KLHL4: variants seen among roughly 807,000 people sequenced by gnomAD.
KLHL4 encodes kelch-like protein 4.
In KLHL4, 17 loss-of-function variants were observed where a neutral mutation model predicts 45.8. That is an observed-to-expected ratio of 0.37 (90% CI 0.25 to 0.56). The LOEUF is 0.56. KLHL4 is among the 20% of genes least tolerant of loss of function. The pLI is 0.79. For missense variants in KLHL4, 544 were observed against 544.9 expected (o/e 1.00, Z 0.02); for synonymous variants, 224 against 189.9 (o/e 1.18, Z -1.47).
At chrX:87,573,577 T>C (rs1418935052) in intron 1 of KLHL4, among the ~76,000 whole-genome samples, 1 of 111,418 alleles carries the variant, frequency 9.0e-6, no homozygotes, top group African/African-American at 3.2e-5. Context: ...TAGTATTATA[T>C]GTTGTTGATT....
chrX:87,618,166 T>C (rs775253312), intron 4 of KLHL4, 38 bp downstream of exon 4: 5 of 1,004,302 alleles, frequency 5.0e-6, no homozygotes, highest in South Asian at 2.7e-5. Context: ...GTAGTAAAAA[T>C]ATGTTAATGT....
intron 1 of KLHL4, among the ~76,000 whole-genome samples, chrX:87,590,951 T>G (rs1921642573): frequency 8.9e-6 from 1 of 112,205 alleles, no homozygotes; most frequent in Non-Finnish European, 1.9e-5. Context: ...GCAATAAACA[T>G]GAGGCTACAG....
At chrX:87,531,038 T>A (rs1056179159) in intron 1 of KLHL4, among the ~76,000 whole-genome samples, 3 of 112,530 alleles carry the variant, frequency 2.7e-5, no homozygotes, top group African/African-American at 6.5e-5. Context: ...GAGCATTTTT[T>A]CATGTGTCCT....
intron 4 of KLHL4, among the ~76,000 whole-genome samples, chrX:87,620,142 A>G (rs762222865): frequency 2.7e-5 from 3 of 111,775 alleles, no homozygotes; most frequent in South Asian, 7.5e-4. Context: ...GTCTGCATCA[A>G]TGAAGCATTT....
chrX:87,551,300 C>T (rs1221883638), intron 1 of KLHL4, among the ~76,000 whole-genome samples: 1 of 107,975 alleles, frequency 9.3e-6, no homozygotes, highest in African/African-American at 3.3e-5. Flanking sequence ...TATACCTAAC[C>T]AAAAGACCTC....
In KLHL4 at chrX:87,635,789, A is replaced by G. The variant is rs1489502480; in HGVS notation, c.1925+14A>G. On this transcript the variant is annotated intron_variant, in intron 9 of 10. Transcript: ENST00000373119. The stretch of plus-strand genomic sequence containing the variant: ...CTGTGTGGAACGGTAAGTTTTTTCT[A>G]TTTCCTTCTGTATGTAATTATTTGG... The G allele has an allele frequency of 4.6e-6, 5 of 1,093,510 alleles. No individual in the cohort carries two copies. In the East Asian group the frequency reaches 9.3e-5, roughly 20 times the overall value. 90.1% of individuals were successfully genotyped at this position (1,093,510 alleles called of 1,213,427 possible).
chrX:87,535,013 A>C (rs1931399246), intron 1 of KLHL4, among the ~76,000 whole-genome samples: 1 of 112,046 alleles, frequency 8.9e-6, no homozygotes, highest in South Asian at 3.7e-4. Context: ...TTTTATTTCT[A>C]TATGAAGTAT....
intron 1 of KLHL4, among the ~76,000 whole-genome samples, chrX:87,610,537 A>C (rs1429331780): frequency 8.9e-6 from 1 of 111,891 alleles, no homozygotes; most frequent in African/African-American, 3.2e-5. Flanking sequence ...AATTTGACAT[A>C]GACAATAATT....
At chrX:87,589,888 AT>A in intron 1 of KLHL4, among the ~76,000 whole-genome samples, 1 of 98,920 alleles carries the variant, frequency 1.0e-5, no homozygotes, top group Non-Finnish European at 2.0e-5. Context: ...AAAAAAAAAA[AT>A]TAGCCGGGCA....
Position 87,668,195 on chromosome X carries a change from T to C in KLHL4, c.*1661T>C. On this transcript the variant is annotated 3_prime_UTR_variant, in exon 11 of 11. Coordinates refer to ENST00000373119, the MANE Select transcript of KLHL4 (RefSeq NM_019117.5). ...AATTCACACCTTATTGAAATCAGTG[T>C]AGAAGTAGAGTTACCTAAACCTTTA... The C allele has an allele frequency of 1.3e-6, 1 of 752,269 alleles. No individual in the cohort carries two copies. The highest frequency in any genetic ancestry group is 6.8e-5 in the South Asian group (1 of 14,803). The allele number at this position is 752,269 out of a possible 1,213,427, so 62.0% of individuals were successfully genotyped here. A position where few individuals can be genotyped will look rare whatever the true frequency, so the allele number is the denominator to read the frequency against.
intron 1 of KLHL4, among the ~76,000 whole-genome samples, chrX:87,524,546 AG>A (rs1432070301): frequency 9.0e-6 from 1 of 111,319 alleles, no homozygotes; most frequent in Admixed American, 9.6e-5. Context: ...AAATTTACAT[AG>A]GGGGACATTC....
chrX:87,666,392 C>A, intron 10 of KLHL4, 83 bp from the exon 11 acceptor site: 1 of 934,106 alleles, frequency 1.1e-6, no homozygotes, highest in Non-Finnish European at 1.4e-6. Context: ...GTAAGGACTT[C>A]TTCAACTATA....
intron 1 of KLHL4, among the ~76,000 whole-genome samples, chrX:87,609,453 T>A (rs10126245): frequency 2.7e-5 from 3 of 110,557 alleles, no homozygotes; most frequent in South Asian, 3.8e-4. Context: ...ATCACCATTC[T>A]AACTGGTGTG....
intron 1 of KLHL4, among the ~76,000 whole-genome samples, chrX:87,580,176 TTA>T (rs1467695891): frequency 9.0e-6 from 1 of 110,994 alleles, no homozygotes; most frequent in Non-Finnish European, 1.9e-5. Flanking sequence ...ACAAGATATT[TTA>T]TGTTGCTTCA....
intron 1 of KLHL4, among the ~76,000 whole-genome samples, chrX:87,576,432 T>C (rs974774047): frequency 3.6e-5 from 4 of 111,675 alleles, no homozygotes; most frequent in Non-Finnish European, 7.5e-5. Flanking sequence ...ATGTTTGAAG[T>C]AATGCATATC....
intron 1 of KLHL4, among the ~76,000 whole-genome samples, chrX:87,518,949 AT>A (rs2147758078): frequency 8.9e-6 from 1 of 112,294 alleles, no homozygotes; most frequent in South Asian, 3.7e-4. Context: ...GAAATGGAGC[AT>A]TTCAGCTTTT....
At chrX:87,610,241 G>A (rs1187082061) in intron 1 of KLHL4, among the ~76,000 whole-genome samples, 1 of 112,027 alleles carries the variant, frequency 8.9e-6, no homozygotes, top group Non-Finnish European at 1.9e-5. Flanking sequence ...ATGAGACAAA[G>A]TGCATGAGAA....
intron 1 of KLHL4, among the ~76,000 whole-genome samples, chrX:87,612,731 G>A (rs1019231821): frequency 2.7e-5 from 3 of 111,791 alleles, no homozygotes; most frequent in African/African-American, 9.8e-5. Flanking sequence ...GCATGGCAGG[G>A]TGCGGTGGCT....
intron 9 of KLHL4, among the ~76,000 whole-genome samples, chrX:87,636,824 C>A (rs1327390578): frequency 9.1e-6 from 1 of 109,587 alleles, no homozygotes; most frequent in Non-Finnish European, 1.9e-5. Context: ...GCAGCAAGCC[C>A]CACCCAAGGA....
Sources: gnomAD v4.1 joint callset for allele counts (sites outside exome capture counted in the v4.1 genomes callset) on GRCh38, gnomAD v4.1.1 for gene constraint, MANE v1.5 for transcripts, NCBI Gene and HGNC (gene_info 2026-07-23, HGNC 2026-07-21) for gene names.